The following CCDC102B variants were observed in gnomAD, a reference collection of about 807,000 sequenced individuals.
The protein encoded by CCDC102B is coiled-coil domain-containing protein 102B.
Under a neutral mutation model 57.4 loss-of-function variants are expected in CCDC102B, and 75 were observed. The ratio of observed to expected loss-of-function variants is 1.31; its 90% CI spans 1.08 to 1.58. The LOEUF is 1.58. Ranked by LOEUF, CCDC102B falls within the 40% of genes most tolerant of loss-of-function variation. The pLI, the probability that CCDC102B is intolerant of heterozygous loss-of-function variation, is 0.00. For missense variants in CCDC102B, 636 were observed against 582.6 expected, an observed-to-expected ratio of 1.09 and a Z score of -0.94; for synonymous variants, 206 against 201.9, an observed-to-expected ratio of 1.02 and a Z score of -0.17.
At chr18:68,948,296 A>G (rs2049596458) in intron 6 of CCDC102B, among the ~76,000 whole-genome samples, 1 of 152,126 alleles carries the variant, frequency 6.6e-6, no homozygotes. Flanking sequence ...TTTTAGATAT[A>G]GCATACCAAT....
chr18:68,928,890 C>G (rs2041570362), intron 6 of CCDC102B, among the ~76,000 whole-genome samples: 1 of 151,730 alleles, frequency 6.6e-6, no homozygotes, highest in Non-Finnish European at 1.5e-5. Flanking sequence ...GTCGTGGTAT[C>G]TAACCTCAAT....
At chr18:69,056,008 T>C (rs1023611837), downstream of CCDC102B, among the ~76,000 whole-genome samples, 1 of 152,140 alleles carries the variant, frequency 6.6e-6, no homozygotes, top group Non-Finnish European at 1.5e-5. Context: ...CCAGGGTTGC[T>C]ATGAACAAAG....
At chr18:68,914,974 G>GGA (rs59012789) in intron 6 of CCDC102B, among the ~76,000 whole-genome samples, 122,928 of 147,440 alleles carry the variant, frequency 0.83, 51,059 homozygotes, top group Admixed American at 0.89. Flanking sequence ...ACTACTGGGG[G>GGA]GAGAGAGAGA....
intron 5 of CCDC102B, among the ~76,000 whole-genome samples, chr18:68,877,442 C>T (rs1231585501): frequency 6.6e-6 from 1 of 152,176 alleles, no homozygotes; most frequent in Non-Finnish European, 1.5e-5. Context: ...CAAACACATA[C>T]ATTTGAACTT....
intron 2 of CCDC102B, among the ~76,000 whole-genome samples, chr18:68,770,556 G>C (rs987315122): frequency 2.6e-5 from 4 of 152,088 alleles, no homozygotes; most frequent in Non-Finnish European, 4.4e-5. Flanking sequence ...CTACCTCAGA[G>C]GGGGGAGAAT....
intron 7 of CCDC102B, among the ~76,000 whole-genome samples, chr18:69,045,134 G>A (rs1340255446): frequency 6.6e-6 from 1 of 151,978 alleles, no homozygotes; most frequent in African/African-American, 2.4e-5. Flanking sequence ...TCCAGGTAGA[G>A]TCACATTAGG....
rs139971025 is a variant in CCDC102B at position 68,975,998 on chromosome 18, C to T, written c.1264-34936C>T. ...TACTTCATAAGAGTCAATAGAAATA[C>T]AGATGCCTTTCACAGATGTTTGCTT... On this transcript the variant is annotated intron_variant, in intron 6 of 7. Transcript: ENST00000360242. Among the ~76,000 whole-genome samples, 430 of 152,064 alleles carry T rather than the reference C, an allele frequency of 2.8e-3. 3 individuals are homozygous for T. Among genetic ancestry groups the T allele is most frequent in the African/African-American group, 9.7e-3 (402 of 41,512 alleles).
At chr18:68,718,737 T>G (rs886341417) in intron 2 of CCDC102B, among the ~76,000 whole-genome samples, 12 of 152,386 alleles carry the variant, frequency 7.9e-5, no homozygotes, top group Non-Finnish European at 1.5e-4. Flanking sequence ...ATGCAGATTC[T>G]GATCAGTCCC....
chr18:68,952,763 C>G (rs1401102166), intron 6 of CCDC102B, among the ~76,000 whole-genome samples: 1 of 152,104 alleles, frequency 6.6e-6, no homozygotes, highest in Non-Finnish European at 1.5e-5. Flanking sequence ...CAAATGCCAT[C>G]AAGAATATGT....
intron 1 of CCDC102B, among the ~76,000 whole-genome samples, chr18:68,821,749 CAGT>C (rs1463931833): frequency 1.3e-5 from 2 of 151,642 alleles, no homozygotes; most frequent in African/African-American, 4.8e-5. Context: ...TGGAGAAAAT[CAGT>C]AGATGTTAAT....
At chr18:68,933,446 C>A (rs988074236) in intron 6 of CCDC102B, among the ~76,000 whole-genome samples, 1 of 151,740 alleles carries the variant, frequency 6.6e-6, no homozygotes, top group Non-Finnish European at 1.5e-5. Context: ...TGTGATTTTT[C>A]TCCATCAAAC....
chr18:69,046,520 A>G (rs185456938), intron 7 of CCDC102B, among the ~76,000 whole-genome samples: 1 of 152,080 alleles, frequency 6.6e-6, no homozygotes, highest in Non-Finnish European at 1.5e-5. Flanking sequence ...TGGTTTGCAA[A>G]AAATTTCTCT....
intron 7 of CCDC102B, among the ~76,000 whole-genome samples, chr18:69,022,193 C>CTATATATATATATATATATA (rs57226048): frequency 4.1e-4 from 58 of 142,068 alleles, no homozygotes; most frequent in African/African-American, 1.4e-3. Context: ...ATCCTTTAGC[C>CTATATATATATATATATATA]TATATATATA....
chr18:68,733,476 C>CTT (rs1301894714), intron 2 of CCDC102B, among the ~76,000 whole-genome samples: 158 of 52,574 alleles, frequency 3.0e-3, no homozygotes, highest in Admixed American at 7.2e-3. Flanking sequence ...AGTTAGACAA[C>CTT]TTTATATATA....
At chr18:68,770,035 C>T (rs995150185) in intron 2 of CCDC102B, among the ~76,000 whole-genome samples, 1 of 152,108 alleles carries the variant, frequency 6.6e-6, no homozygotes, top group Non-Finnish European at 1.5e-5. Flanking sequence ...AAGATGATAG[C>T]TTGGACTAGG....
At chr18:68,842,428 T>C (rs2037674905) in intron 3 of CCDC102B, among the ~76,000 whole-genome samples, 1 of 152,166 alleles carries the variant, frequency 6.6e-6, no homozygotes, top group Non-Finnish European at 1.5e-5. Context: ...GGCAATTCAC[T>C]GCCAAATGAA....
intron 1 of CCDC102B, among the ~76,000 whole-genome samples, chr18:68,820,430 A>G (rs1384006617): frequency 6.6e-6 from 1 of 152,148 alleles, no homozygotes; most frequent in African/African-American, 2.4e-5. Flanking sequence ...TAATTGTTTT[A>G]AACACCAAAT....
At chr18:68,893,359 C>T (rs963810903) in intron 5 of CCDC102B, among the ~76,000 whole-genome samples, 1 of 152,168 alleles carries the variant, frequency 6.6e-6, no homozygotes, top group Middle Eastern at 3.2e-3. Flanking sequence ...CTCTGCCTCA[C>T]TGTGTTCACT....
chr18:68,731,011 G>A (rs544643709), intron 2 of CCDC102B, among the ~76,000 whole-genome samples: 1 of 152,094 alleles, frequency 6.6e-6, no homozygotes, highest in Non-Finnish European at 1.5e-5. Flanking sequence ...TTCTTGAGAC[G>A]GAGTTTCACT....
Sources: allele counts gnomAD v4.1 joint callset (sites outside exome capture counted in the v4.1 genomes callset), GRCh38; gene constraint gnomAD v4.1.1; transcripts MANE v1.5; gene names NCBI Gene and HGNC (gene_info 2026-07-23, HGNC 2026-07-21).